TBC1D19: variants seen among roughly 807,000 people sequenced by gnomAD.
The protein encoded by TBC1D19 is TBC1 domain family member 19, also known as TBC1 domain family, member 19.
In TBC1D19, 60 loss-of-function variants were observed where a neutral mutation model predicts 89.0. The ratio of observed to expected loss-of-function variants is 0.67; its 90% CI spans 0.55 to 0.84. TBC1D19 has a LOEUF of 0.84. Among genes scored for constraint, TBC1D19 ranks in the 40% least tolerant of loss-of-function variants. TBC1D19 has a pLI of 0.00. For missense variants in TBC1D19, 500 were observed against 610.8 expected, an observed-to-expected ratio of 0.82 and a Z score of 1.91; for synonymous variants, 189 against 199.7, an observed-to-expected ratio of 0.95 and a Z score of 0.45.
intron 1 of TBC1D19, among the ~76,000 whole-genome samples, chr4:26,590,567 G>A (rs1363707808): frequency 6.6e-6 from 1 of 152,048 alleles, no homozygotes; most frequent in Non-Finnish European, 1.5e-5. Flanking sequence ...TGAAGCCTGT[G>A]TCTGCAGTTT....
intron 17 of TBC1D19, among the ~76,000 whole-genome samples, chr4:26,741,310 T>C (rs557499423): frequency 7.1e-5 from 10 of 140,406 alleles, no homozygotes; most frequent in African/African-American, 2.4e-4. Flanking sequence ...GAGCCGAGAT[T>C]GCGCCACTAC....
At chr4:26,842,583 C>CCTCTCTTT in the TBC1D19 span, among the ~76,000 whole-genome samples, 4 of 70,538 alleles carry the variant, frequency 5.7e-5, no homozygotes, top group African/African-American at 1.6e-4. Flanking sequence ...TTCCTCCCTC[C>CCTCTCTTT]CTTTCTTTCT....
chr4:26,748,975 G>C (rs535010167), intron 19 of TBC1D19, among the ~76,000 whole-genome samples: 1 of 152,168 alleles, frequency 6.6e-6, no homozygotes, highest in Non-Finnish European at 1.5e-5. Flanking sequence ...CAGCTCTTCT[G>C]TGTCTATTTA....
At chr4:26,672,105 C>A in intron 9 of TBC1D19, 44 bp from the exon 10 acceptor site, 1 of 862,684 alleles carries the variant, frequency 1.2e-6, no homozygotes, top group Non-Finnish European at 1.7e-6. Context: ...AATGTGATTG[C>A]TCATACTCAT....
At chr4:26,615,499 T>G (rs1741630145) in intron 3 of TBC1D19, among the ~76,000 whole-genome samples, 1 of 151,918 alleles carries the variant, frequency 6.6e-6, no homozygotes, top group African/African-American at 2.4e-5. Context: ...TTTATGTCTG[T>G]AGCATTCTCT....
chr4:26,647,155 G>A (rs918373721), intron 7 of TBC1D19, among the ~76,000 whole-genome samples: 5 of 152,114 alleles, frequency 3.3e-5, no homozygotes, highest in Admixed American at 2.6e-4. Flanking sequence ...ATCAGATACG[G>A]GGTCTATGAG....
chr4:26,667,918 A>G lies in TBC1D19; in HGVS notation c.664+1513A>G, dbSNP rs532791389. Among the ~76,000 whole-genome samples the G allele has an allele frequency of 3.2e-4, 49 of 152,096 alleles. No individual in the cohort carries two copies. In the South Asian group the frequency reaches 8.7e-3, roughly 27 times the overall value. On this transcript the variant is annotated intron_variant, in intron 9 of 20. Coordinates refer to ENST00000264866, the MANE Select transcript of TBC1D19 (RefSeq NM_018317.4). ...GTGTATTTCATCTTTGTCTTAGTCA[A>G]TCTGGCAGAGTATAGTGGTATTGCA...
At chr4:26,827,712 G>GTTT in the TBC1D19 span, among the ~76,000 whole-genome samples, 1 of 114,562 alleles carries the variant, frequency 8.7e-6, no homozygotes, top group African/African-American at 3.4e-5. Context: ...TTTGTTTTTT[G>GTTT]TTTTGTTTTT....
chr4:26,777,467 C>T, the TBC1D19 span, among the ~76,000 whole-genome samples: 1 of 150,568 alleles, frequency 6.6e-6, no homozygotes, highest in South Asian at 2.1e-4. Flanking sequence ...TAGACAGAGT[C>T]TCTCTCTGTC....
At chr4:26,649,507 A>G (rs62409941) in intron 7 of TBC1D19, among the ~76,000 whole-genome samples, 7,037 of 152,248 alleles carry the variant, frequency 0.046, 227 homozygotes, top group Middle Eastern at 0.092. Context: ...GCCCATTTGT[A>G]GTCACCCTTC....
At chr4:26,848,334 A>G in the TBC1D19 span, among the ~76,000 whole-genome samples, 1 of 152,178 alleles carries the variant, frequency 6.6e-6, no homozygotes, top group Non-Finnish European at 1.5e-5. Flanking sequence ...CAGCTTGTCA[A>G]CTACAGACTA....
chr4:26,744,654 G>A (rs1463066397), intron 18 of TBC1D19, among the ~76,000 whole-genome samples: 4 of 151,886 alleles, frequency 2.6e-5, no homozygotes, highest in African/African-American at 4.8e-5. Context: ...GTAAAAGTAC[G>A]TTGTTTAATT....
the TBC1D19 span, among the ~76,000 whole-genome samples, chr4:26,855,054 G>A: frequency 6.6e-6 from 1 of 152,196 alleles, no homozygotes; most frequent in Non-Finnish European, 1.5e-5. Flanking sequence ...GTGAGAGACT[G>A]AGCAGCCAGC....
chr4:26,743,677 C>A (rs1410637406), intron 18 of TBC1D19, among the ~76,000 whole-genome samples: 1 of 151,922 alleles, frequency 6.6e-6, no homozygotes, highest in African/African-American at 2.4e-5. Flanking sequence ...TACCTCATAT[C>A]ATCCATTGAT....
chr4:26,706,777 T>C (rs1054147403), intron 13 of TBC1D19, among the ~76,000 whole-genome samples: 1 of 152,158 alleles, frequency 6.6e-6, no homozygotes, highest in Non-Finnish European at 1.5e-5. Flanking sequence ...TATAATTTCT[T>C]CTTTAATCCA....
At chr4:26,577,746 A>T (rs1403351716) in intron 1 of TBC1D19, among the ~76,000 whole-genome samples, 1 of 152,222 alleles carries the variant, frequency 6.6e-6, no homozygotes, top group Non-Finnish European at 1.5e-5. Context: ...ATTCAGTGTC[A>T]CTAGGACTTA....
chr4:26,848,342 CTA>C, the TBC1D19 span, among the ~76,000 whole-genome samples: 1 of 151,992 alleles, frequency 6.6e-6, no homozygotes, highest in African/African-American at 2.4e-5. Flanking sequence ...CAACTACAGA[CTA>C]TGGGTTTTAG....
intron 9 of TBC1D19, among the ~76,000 whole-genome samples, chr4:26,671,715 G>A (rs532382534): frequency 6.6e-6 from 1 of 151,676 alleles, no homozygotes; most frequent in South Asian, 2.1e-4. Context: ...GTAGGGTTTT[G>A]TAAATGAAGC....
chr4:26,649,748 C>A (rs1375014450), intron 7 of TBC1D19, among the ~76,000 whole-genome samples: 1 of 151,378 alleles, frequency 6.6e-6, no homozygotes, highest in East Asian at 1.9e-4. Flanking sequence ...TTTTAGGGTA[C>A]ATGTGCACAA....
Sources: gnomAD v4.1 joint callset for allele counts (sites outside exome capture counted in the v4.1 genomes callset) on GRCh38, gnomAD v4.1.1 for gene constraint, MANE v1.5 for transcripts, NCBI Gene and HGNC (gene_info 2026-07-23, HGNC 2026-07-21) for gene names.